TRAF3IP1: variants seen among roughly 807,000 people sequenced by gnomAD.
The protein encoded by TRAF3IP1 is TRAF3-interacting protein 1.
Under a neutral mutation model 89.9 loss-of-function variants are expected in TRAF3IP1, and 53 were observed. The observed-to-expected ratio is 0.59, with a 90% CI of 0.47 to 0.74. The LOEUF (loss-of-function observed/expected upper bound fraction) is 0.74. Among genes scored for constraint, TRAF3IP1 ranks in the 30% least tolerant of loss-of-function variants. TRAF3IP1 has a pLI of 0.00. For missense variants in TRAF3IP1, 806 were observed against 866.1 expected (o/e 0.93, Z 0.87); for synonymous variants, 311 against 322.1 (o/e 0.97, Z 0.37).
chr2:238,332,826 A>C lies in TRAF3IP1; in HGVS notation c.918A>C (p.Ser306=), dbSNP rs1698194944. Residue 306 remains serine, a splice_region_variant and synonymous_variant, in exon 6 of 17, where the codon TCA becomes TCC. Transcript: ENST00000373327. ...NREHDKPEKK[S]ASSGEMSKKL... ...TGAATTTTTTTTTTTTTTAATAGTC[A>C]GCAAGCTCAGGGGAGATGTCTAAAA... 6.2e-7 allele frequency: 1 copy of C among 1,604,944 alleles called. No individual in the cohort carries two copies. Among genetic ancestry groups the C allele is most frequent in the Non-Finnish European group, 8.5e-7 (1 of 1,175,892 alleles).
intron 8 of TRAF3IP1, among the ~76,000 whole-genome samples, chr2:238,338,680 T>A (rs1698498294): frequency 6.6e-6 from 1 of 152,236 alleles, no homozygotes; most frequent in Admixed American, 6.5e-5. Context: ...TTATATGCCT[T>A]TTTATACATA....
In TRAF3IP1 at chr2:238,338,343, G is replaced by C. The variant is rs755414836; in HGVS notation, c.1064-19G>C. ...ATCTTTTATAATATTTTAATCTGTT[G>C]TTAACTATTTTATGTCAGGAAGGAA... On this transcript the variant is annotated intron_variant, in intron 7 of 16. Coordinates refer to ENST00000373327, the MANE Select transcript of TRAF3IP1 (RefSeq NM_015650.4). The C allele has an allele frequency of 2.1e-6, 3 of 1,404,166 alleles. No homozygotes were observed. The African/African-American group carries it at 4.3e-5, about 20-fold the overall frequency. 87.0% of individuals were successfully genotyped at this position (1,404,166 alleles called of 1,614,324 possible).
At chr2:238,343,425 A>G (rs886118323) in intron 8 of TRAF3IP1, among the ~76,000 whole-genome samples, 3 of 151,864 alleles carry the variant, frequency 2.0e-5, no homozygotes, top group African/African-American at 7.2e-5. Flanking sequence ...TCTTACATGC[A>G]GGCTGGAGAG....
At chr2:238,357,728 G>A (rs568336770) in intron 15 of TRAF3IP1, among the ~76,000 whole-genome samples, 15 of 152,284 alleles carry the variant, frequency 9.9e-5, no homozygotes, top group African/African-American at 3.4e-4. Flanking sequence ...GTCCCTGGTG[G>A]TATTTCTGAG....
intron 15 of TRAF3IP1, among the ~76,000 whole-genome samples, chr2:238,369,434 A>G (rs1559382667): frequency 6.6e-6 from 1 of 152,282 alleles, no homozygotes; most frequent in East Asian, 1.9e-4. Flanking sequence ...CCAGTCCAGA[A>G]TGAGTTAGGT....
chr2:238,396,466 A>G (rs1701226898), intron 15 of TRAF3IP1, among the ~76,000 whole-genome samples: 1 of 151,754 alleles, frequency 6.6e-6, no homozygotes, highest in East Asian at 1.9e-4. Flanking sequence ...CCAACATGGC[A>G]CATGTATACA....
At position 238,329,077 on chromosome 2, in the gene TRAF3IP1, G is replaced by C. The variant is rs534479386; in HGVS notation, c.650G>C (p.Arg217Thr). ...NGGNRHREGE[R>T]ERAKARARPD... ...GGAAACAGACACAGAGAAGGGGAGA[G>C]AGAGAGAGCCAAAGCCCGGGCCAGG... The change falls in exon 5 of 17, where the codon AGA becomes ACA. Residue 217 changes from arginine to threonine, a missense_variant. This residue lies in a region of TRAF3IP1 where 732 missense variants were observed against 780.5 expected (regional missense o/e 0.94). Coordinates refer to ENST00000373327, the MANE Select transcript of TRAF3IP1 (RefSeq NM_015650.4). 16 of 1,551,314 alleles carry C rather than the reference G, an allele frequency of 1.0e-5. No homozygotes were observed. Among genetic ancestry groups the C allele is most frequent in the African/African-American group, 4.1e-5 (3 of 72,980 alleles).
chr2:238,328,432 T>C (rs906135821), intron 3 of TRAF3IP1, among the ~76,000 whole-genome samples: 3 of 152,228 alleles, frequency 2.0e-5, no homozygotes, highest in African/African-American at 7.2e-5. Flanking sequence ...ACAGCTTGGG[T>C]AGACTTGAAC....
intron 15 of TRAF3IP1, among the ~76,000 whole-genome samples, chr2:238,383,588 A>AT (rs1194623501): frequency 1.3e-5 from 2 of 152,082 alleles, no homozygotes; most frequent in Admixed American, 6.5e-5. Flanking sequence ...TTGCCCACGT[A>AT]TTTTTTAGCA....
At chr2:238,322,175 G>A (rs1697583660) in intron 1 of TRAF3IP1, among the ~76,000 whole-genome samples, 1 of 152,208 alleles carries the variant, frequency 6.6e-6, no homozygotes. Context: ...CCCGTCCTCT[G>A]ACCCAGAGGG....
chr2:238,395,206 AAGAGAG>A (rs548056680), intron 15 of TRAF3IP1, among the ~76,000 whole-genome samples: 10 of 152,116 alleles, frequency 6.6e-5, no homozygotes, highest in African/African-American at 2.4e-4. Flanking sequence ...GCTGTAAAGA[AAGAGAG>A]AGAGAAGAAA....
chr2:238,395,971 C>T lies in TRAF3IP1; in HGVS notation c.1690-1488C>T, dbSNP rs1182505757. Among the ~76,000 whole-genome samples the T allele has an allele frequency of 2.7e-4, 41 of 152,198 alleles. No homozygotes were observed. The South Asian group carries it at 8.3e-3, about 31-fold the overall frequency. ...TCAACCATTGGGGAAGTCAGTGTGG[C>T]GATTCCTCAGGGATCTAGAACTAGA... On this transcript the variant is annotated intron_variant, in intron 15 of 16. Transcript: ENST00000373327.
chr2:238,360,389 G>A (rs1699606386), intron 15 of TRAF3IP1, among the ~76,000 whole-genome samples: 1 of 152,118 alleles, frequency 6.6e-6, no homozygotes, highest in African/African-American at 2.4e-5. Flanking sequence ...CCCTCTGGGA[G>A]GCCGAAATGT....
At chr2:238,325,057 G>A (rs1473986983) in intron 1 of TRAF3IP1, among the ~76,000 whole-genome samples, 1 of 152,214 alleles carries the variant, frequency 6.6e-6, no homozygotes, top group East Asian at 1.9e-4. Context: ...AAGCCTGAGT[G>A]CTTCCTTAGT....
intron 7 of TRAF3IP1, among the ~76,000 whole-genome samples, chr2:238,335,640 GT>G (rs1464242297): frequency 3.0e-4 from 46 of 152,174 alleles, no homozygotes; most frequent in African/African-American, 1.1e-3. Flanking sequence ...GCTTTCATTA[GT>G]TTAGGAAGTT....
At chr2:238,358,820 A>G (rs902520230) in intron 15 of TRAF3IP1, among the ~76,000 whole-genome samples, 2 of 152,202 alleles carry the variant, frequency 1.3e-5, no homozygotes, top group Non-Finnish European at 2.9e-5. Flanking sequence ...ATTGATGGAC[A>G]TTTAGGTTTT....
At chr2:238,362,572 A>G (rs1699708180) in intron 15 of TRAF3IP1, among the ~76,000 whole-genome samples, 1 of 152,172 alleles carries the variant, frequency 6.6e-6, no homozygotes, top group Non-Finnish European at 1.5e-5. Context: ...AAAGGGAGGA[A>G]GGAGAAGGCC....
At chr2:238,368,717 C>T (rs1057301223) in intron 15 of TRAF3IP1, among the ~76,000 whole-genome samples, 1 of 152,164 alleles carries the variant, frequency 6.6e-6, no homozygotes. Flanking sequence ...GTTGCCCAGG[C>T]TGGAGTGCAA....
At chr2:238,320,970 G>T (rs965843886) in intron 1 of TRAF3IP1, among the ~76,000 whole-genome samples, 185 bp downstream of exon 1, 2 of 151,572 alleles carry the variant, frequency 1.3e-5, no homozygotes, top group African/African-American at 2.4e-5. Flanking sequence ...CGGGCTCGGG[G>T]TGCAGGTCGG....
Sources: gnomAD v4.1 joint callset for allele counts (sites outside exome capture counted in the v4.1 genomes callset) on GRCh38, gnomAD v4.1.1 for gene constraint, gnomAD v4.1.1 regional missense constraint, MANE v1.5 for transcripts, NCBI Gene and HGNC (gene_info 2026-07-23, HGNC 2026-07-21) for gene names.